Variants in LRBA observed in about 807,000 individuals in gnomAD.
The protein encoded by LRBA is LPS responsive beige-like anchor protein.
LRBA carries 176 observed loss-of-function variants against 330.0 expected under a neutral mutation model. That is an observed-to-expected ratio of 0.53 (90% CI 0.47 to 0.60). The LOEUF is 0.60. LRBA is among the 20% of genes least tolerant of loss of function. The pLI is 0.00. For missense variants in LRBA, 3,259 were observed against 3,444.8 expected, an observed-to-expected ratio of 0.95 and a Z score of 1.35; for synonymous variants, 1,230 against 1,193.0, an observed-to-expected ratio of 1.03 and a Z score of -0.64.
At chr4:150,440,675 C>T (rs1751704109) in intron 44 of LRBA, among the ~76,000 whole-genome samples, 1 of 151,870 alleles carries the variant, frequency 6.6e-6, no homozygotes, top group African/African-American at 2.4e-5. Context: ...TTGGGAGGAT[C>T]GCTTGAGTCC....
In LRBA at chr4:150,478,095, G is replaced by A. The variant is rs933569851; in HGVS notation, c.6552-6356C>T. ...TAACCTTTACATGTTGAGGTTTTCT[G>A]GATGTAGCTCTAGTTCCTCTTGGCA... On this transcript the variant is annotated intron_variant, in intron 42 of 56. Transcript: ENST00000651943. Among the ~76,000 whole-genome samples the A allele has an allele frequency of 8.5e-5, 13 of 152,098 alleles. 1 individual carries two copies. Among genetic ancestry groups the A allele is most frequent in the African/African-American group, 2.9e-4 (12 of 41,502 alleles).
In LRBA at chr4:150,836,781, T is replaced by C. The variant is rs1174287454; in HGVS notation, c.4570-4805A>G. On this transcript the variant is annotated intron_variant, in intron 28 of 56. Coordinates refer to ENST00000651943, the MANE Select transcript of LRBA (RefSeq NM_001364905.1). ...CATTGATTTTTTGAAGGGTTTTTTG[T>C]GTCTCTATCTCCTTCAGTTCTACTC... 2.6e-5 allele frequency among the ~76,000 whole-genome samples: 4 copies of C among 152,188 alleles called. No individual in the cohort carries two copies. The East Asian group carries it at 7.7e-4, about 29-fold the overall frequency.
chr4:150,553,678 C>T (rs1031762736), intron 40 of LRBA, among the ~76,000 whole-genome samples: 2 of 152,084 alleles, frequency 1.3e-5, no homozygotes, highest in Non-Finnish European at 2.9e-5. Context: ...TACACACAGA[C>T]AGATGGGGGG....
rs537259975 is a variant in LRBA, at chr4:150,321,741, G to A, written c.7453-373C>T. On this transcript the variant is annotated intron_variant, in intron 49 of 56. Transcript: ENST00000651943. This position sits in a 1 kb window ranked among gnomAD's most constrained non-coding sequence, Gnocchi z 4.5. ...GCATTAAACCATTCTGGTTGCTATC[G>A]TGTCACATAATGATCTTTTAGCACT... is the stretch of plus-strand genomic sequence containing the variant. Among the ~76,000 whole-genome samples the A allele has an allele frequency of 4.5e-4, 68 of 152,178 alleles. No individual in the cohort carries two copies. The highest frequency in any genetic ancestry group is 1.5e-3 in the African/African-American group (64 of 41,508).
chr4:150,776,155 G>GA (rs897914014), intron 34 of LRBA, among the ~76,000 whole-genome samples: 22 of 152,120 alleles, frequency 1.4e-4, no homozygotes, highest in African/African-American at 5.1e-4. Context: ...TAAAAATCAA[G>GA]AAACAGTAAT....
chr4:150,858,473 C>T (rs1418291239), intron 22 of LRBA, among the ~76,000 whole-genome samples: 1 of 151,906 alleles, frequency 6.6e-6, no homozygotes, highest in Non-Finnish European at 1.5e-5. Flanking sequence ...AATTATTTAG[C>T]AATTAAATAA....
chr4:150,271,394 A>AAGAGC (rs1448673111), intron 56 of LRBA, among the ~76,000 whole-genome samples: 1 of 151,516 alleles, frequency 6.6e-6, no homozygotes, highest in African/African-American at 2.4e-5. Context: ...AAGGAGGCTG[A>AAGAGC]AGCCAGGGAG....
chr4:150,296,234 T>C lies in LRBA; in HGVS notation c.8017+6391A>G, dbSNP rs1728958505. Among the ~76,000 whole-genome samples, 4 of 152,172 alleles carry C rather than the reference T, an allele frequency of 2.6e-5. No individual in the cohort carries two copies. The South Asian group carries it at 8.3e-4, about 31-fold the overall frequency. Reference sequence around the variant, plus strand: ...CTCTGAAAACTATAGAGGAGTTTCATATCTTTAGCTATTAAACACTCCTGA... The same window carrying C: ...CTCTGAAAACTATAGAGGAGTTTCACATCTTTAGCTATTAAACACTCCTGA... On this transcript the variant is annotated intron_variant, in intron 53 of 56. Transcript: ENST00000651943.
At chr4:150,642,302 G>C (rs72736362) in intron 37 of LRBA, among the ~76,000 whole-genome samples, 17 of 151,730 alleles carry the variant, frequency 1.1e-4, no homozygotes, top group African/African-American at 3.9e-4. Context: ...AGAAAGTTGC[G>C]GGAGAATGGT....
chr4:150,996,199 C>T (rs1742627523), intron 2 of LRBA, among the ~76,000 whole-genome samples: 1 of 152,026 alleles, frequency 6.6e-6, no homozygotes, highest in Non-Finnish European at 1.5e-5. Flanking sequence ...TGAACGTTTA[C>T]ATCCTATGAC....
In LRBA at chr4:150,844,084, A is replaced by C; in HGVS notation, c.4569+16T>G. On this transcript the variant is annotated intron_variant, in intron 28 of 56. Coordinates refer to ENST00000651943, the MANE Select transcript of LRBA (RefSeq NM_001364905.1). ...CATCAGTTAAGAGAGTATGTGAAAG[A>C]CATATTGTAACTTACTATGTCTCTG... The C allele has an allele frequency of 6.9e-7, 1 of 1,449,910 alleles. No individual in the cohort carries two copies. The highest frequency in any genetic ancestry group is 1.4e-5 in the African/African-American group (1 of 72,008). The allele number at this position is 1,449,910 out of a possible 1,614,324, so 89.8% of individuals were successfully genotyped here.
intron 37 of LRBA, among the ~76,000 whole-genome samples, chr4:150,622,690 T>C (rs1005843952): frequency 1.6e-4 from 1 of 6,182 alleles, no homozygotes; most frequent in African/African-American, 1.9e-4. Flanking sequence ...AAATCAATCT[T>C]TTTTTTTTTT....
intron 33 of LRBA, among the ~76,000 whole-genome samples, chr4:150,805,492 G>GGAAAA (rs1238242123): frequency 1.6e-5 from 2 of 126,194 alleles, no homozygotes; most frequent in Non-Finnish European, 3.2e-5. Context: ...GGAAAGGAAA[G>GGAAAA]GAGAAGGAGG....
chr4:150,679,338 C>G (rs575799587), intron 37 of LRBA, among the ~76,000 whole-genome samples: 88 of 152,250 alleles, frequency 5.8e-4, no homozygotes, highest in African/African-American at 2.1e-3. Context: ...AAATGACATA[C>G]TACAAGATAA....
chr4:150,595,539 T>C (rs901003122), intron 38 of LRBA, among the ~76,000 whole-genome samples: 7 of 152,024 alleles, frequency 4.6e-5, no homozygotes, highest in Non-Finnish European at 2.9e-5. Flanking sequence ...CAAATAAAAA[T>C]GTCTTGAATT....
At chr4:150,700,266 C>T (rs751417935) in intron 36 of LRBA, among the ~76,000 whole-genome samples, 3 of 151,974 alleles carry the variant, frequency 2.0e-5, no homozygotes, top group South Asian at 2.1e-4. Context: ...GGCTTAATGA[C>T]GAGGGCATAC....
At chr4:150,592,581 A>C (rs1773025551) in intron 38 of LRBA, among the ~76,000 whole-genome samples, 1 of 152,122 alleles carries the variant, frequency 6.6e-6, no homozygotes, top group Non-Finnish European at 1.5e-5. Context: ...GATGGTCTGG[A>C]CATATGTTTG....
At chr4:150,328,921 T>C (rs1411078908) in intron 48 of LRBA, among the ~76,000 whole-genome samples, 1 of 152,212 alleles carries the variant, frequency 6.6e-6, no homozygotes, top group African/African-American at 2.4e-5. Flanking sequence ...ATATTACATA[T>C]AGTGTTTTGC....
chr4:150,608,577 T>C (rs1774910889), intron 37 of LRBA, among the ~76,000 whole-genome samples: 1 of 152,224 alleles, frequency 6.6e-6, no homozygotes, highest in Non-Finnish European at 1.5e-5. Context: ...TGTTCATGTT[T>C]TGTGTTTTTA....
Sources: allele counts gnomAD v4.1 joint callset (sites outside exome capture counted in the v4.1 genomes callset), GRCh38; gene constraint gnomAD v4.1.1; non-coding constraint Gnocchi (gnomAD v3.1); transcripts MANE v1.5; gene names NCBI Gene and HGNC (gene_info 2026-07-23, HGNC 2026-07-21).